Variants in ST6GALNAC3 observed in about 807,000 individuals in gnomAD.
ST6GALNAC3 encodes ST6 N-acetylgalactosaminide alpha-2,6-sialyltransferase 3.
Under a neutral mutation model 32.7 loss-of-function variants are expected in ST6GALNAC3, and 25 were observed. That is an observed-to-expected ratio of 0.76 (90% CI 0.56 to 1.07). The LOEUF (loss-of-function observed/expected upper bound fraction) is 1.07. ST6GALNAC3 is among the 50% of genes least tolerant of loss of function. The probability of loss-of-function intolerance (pLI) is 0.00; values close to 1 mark genes in which losing one functional copy is unlikely to be tolerated. For synonymous variants in ST6GALNAC3, 129 were observed against 133.1 expected (o/e 0.97, Z 0.21); for missense variants, 355 against 382.4 (o/e 0.93, Z 0.60).
rs1042980142 is a variant in ST6GALNAC3 at position 76,631,717 on chromosome 1, C to T, written c.*2911C>T. ...AAAATAAAAATATTTCAATACTATC[C>T]GTGCTTCTTGGAAAATGAACTATAA... On this transcript the variant is annotated 3_prime_UTR_variant, in exon 5 of 5. Transcript: ENST00000328299. 1.3e-5 allele frequency: 2 copies of T among 151,914 alleles called. No homozygotes were observed. Among genetic ancestry groups the T allele is most frequent in the African/African-American group, 2.4e-5 (1 of 41,364 alleles). 9.4% of individuals were successfully genotyped at this position (151,914 alleles called of 1,614,324 possible).
chr1:76,627,657 A>G lies in ST6GALNAC3; in HGVS notation c.731+98A>G, dbSNP rs1005285652. The G allele has an allele frequency of 1.5e-5, 14 of 944,792 alleles. No homozygotes were observed. The African/African-American group carries it at 1.8e-4, about 12-fold the overall frequency. 58.5% of individuals were successfully genotyped at this position (944,792 alleles called of 1,614,324 possible). A position where few individuals can be genotyped will look rare whatever the true frequency, so the allele number is the denominator to read the frequency against. On this transcript the variant is annotated intron_variant, in intron 4 of 4. Coordinates refer to ENST00000328299, the MANE Select transcript of ST6GALNAC3 (RefSeq NM_152996.4). ...ATACCATAAATCTGAGAAACAGATA[A>G]AGCAACAATTATTTCCCAGTGTTCT...
intron 2 of ST6GALNAC3, among the ~76,000 whole-genome samples, chr1:76,404,204 A>G (rs963771762): frequency 6.6e-6 from 1 of 152,088 alleles, no homozygotes; most frequent in Non-Finnish European, 1.5e-5. Context: ...TCAGAGCTAA[A>G]CCATCAGTTA....
At chr1:76,336,756 G>A (rs1647510058) in intron 2 of ST6GALNAC3, among the ~76,000 whole-genome samples, 1 of 152,174 alleles carries the variant, frequency 6.6e-6, no homozygotes, top group Non-Finnish European at 1.5e-5. Flanking sequence ...CTCATTTGAT[G>A]AGAAGTATAT....
intron 3 of ST6GALNAC3, among the ~76,000 whole-genome samples, chr1:76,589,762 G>T (rs1647018810): frequency 6.6e-6 from 1 of 151,474 alleles, no homozygotes; most frequent in Non-Finnish European, 1.5e-5. Context: ...CAAATAGCAA[G>T]ATCCCACTAC....
intron 1 of ST6GALNAC3, among the ~76,000 whole-genome samples, chr1:76,299,800 T>A (rs1660622276): frequency 6.9e-6 from 1 of 145,156 alleles, no homozygotes; most frequent in Non-Finnish European, 1.5e-5. Flanking sequence ...CAACAAATAA[T>A]CTCCAGAGAA....
intron 1 of ST6GALNAC3, among the ~76,000 whole-genome samples, chr1:76,113,448 AC>A (rs1648233575): frequency 6.6e-6 from 1 of 152,106 alleles, no homozygotes; most frequent in Non-Finnish European, 1.5e-5. Flanking sequence ...AGCCATTTTT[AC>A]AAATTTGCAA....
chr1:76,310,657 A>C (rs1646745425), intron 1 of ST6GALNAC3, among the ~76,000 whole-genome samples: 1 of 152,186 alleles, frequency 6.6e-6, no homozygotes, highest in Non-Finnish European at 1.5e-5. Context: ...GTCTGCGAAG[A>C]GCAAAAAGAA....
Position 76,424,942 on chromosome 1 carries a change from G to A in ST6GALNAC3, c.623+12525G>A, listed in dbSNP as rs1023977656. On this transcript the variant is annotated intron_variant, in intron 3 of 4. Coordinates refer to ENST00000328299, the MANE Select transcript of ST6GALNAC3 (RefSeq NM_152996.4). ...GCTAAAGCTAGATGTGAACACCTCCGTGATATTTGCAATGCTTATATTCGT... is the reference window on the plus strand; with the variant it reads ...GCTAAAGCTAGATGTGAACACCTCCATGATATTTGCAATGCTTATATTCGT... Among the ~76,000 whole-genome samples, 8 of 151,864 alleles carry A rather than the reference G, an allele frequency of 5.3e-5. No homozygotes were observed. In the South Asian group the frequency reaches 8.3e-4, roughly 16 times the overall value.
intron 2 of ST6GALNAC3, among the ~76,000 whole-genome samples, chr1:76,333,450 G>A (rs766259190): frequency 1.7e-4 from 26 of 152,146 alleles, no homozygotes; most frequent in Non-Finnish European, 2.6e-4. Flanking sequence ...TATTGGTTTG[G>A]AAGAGATGCT....
chr1:76,121,943 G>A (rs1648906839), intron 1 of ST6GALNAC3, among the ~76,000 whole-genome samples: 1 of 152,134 alleles, frequency 6.6e-6, no homozygotes, highest in South Asian at 2.1e-4. Flanking sequence ...AACATGCCTG[G>A]AATGTTCTTC....
chr1:76,551,543 A>G (rs1441370839), intron 3 of ST6GALNAC3, among the ~76,000 whole-genome samples: 1 of 151,860 alleles, frequency 6.6e-6, no homozygotes, highest in Non-Finnish European at 1.5e-5. Context: ...GTTCTTTTTT[A>G]TTGATACATA....
chr1:76,155,609 A>G (rs1417388387), intron 1 of ST6GALNAC3, among the ~76,000 whole-genome samples: 1 of 149,656 alleles, frequency 6.7e-6, no homozygotes, highest in Non-Finnish European at 1.5e-5. Flanking sequence ...CTGGGACGAC[A>G]GGCGCCCGCC....
chr1:76,275,896 G>T (rs1323663061), intron 1 of ST6GALNAC3, among the ~76,000 whole-genome samples: 1 of 152,156 alleles, frequency 6.6e-6, no homozygotes, highest in African/African-American at 2.4e-5. Flanking sequence ...GTTTGATTCA[G>T]CGGTTCAACA....
At chr1:76,479,014 T>C (rs569109154) in intron 3 of ST6GALNAC3, among the ~76,000 whole-genome samples, 182 of 152,152 alleles carry the variant, frequency 1.2e-3, no homozygotes, top group Non-Finnish European at 1.8e-3. Context: ...CTGCCCACCT[T>C]GGCCTCCCAA....
At chr1:76,339,307 G>T (rs1028151536) in intron 2 of ST6GALNAC3, among the ~76,000 whole-genome samples, 2 of 152,160 alleles carry the variant, frequency 1.3e-5, no homozygotes, top group African/African-American at 4.8e-5. Flanking sequence ...CAGATTCAGA[G>T]ATTTAAAGAT....
intron 3 of ST6GALNAC3, among the ~76,000 whole-genome samples, chr1:76,546,173 T>G (rs1370064988): frequency 6.6e-6 from 1 of 152,156 alleles, no homozygotes; most frequent in Non-Finnish European, 1.5e-5. Flanking sequence ...TACGCTATAG[T>G]GATAGAAGCT....
intron 2 of ST6GALNAC3, among the ~76,000 whole-genome samples, chr1:76,314,945 T>A (rs903150640): frequency 1.3e-5 from 2 of 152,134 alleles, no homozygotes; most frequent in African/African-American, 4.8e-5. Context: ...TTCTTAGCAT[T>A]CTGGGAGGAT....
intron 2 of ST6GALNAC3, among the ~76,000 whole-genome samples, chr1:76,378,986 G>A (rs538043705): frequency 5.3e-5 from 8 of 152,168 alleles, no homozygotes; most frequent in South Asian, 2.1e-4. Context: ...AACCTCTGCC[G>A]CCCGAGCGGC....
intron 2 of ST6GALNAC3, among the ~76,000 whole-genome samples, chr1:76,330,160 T>G (rs1647162848): frequency 6.7e-6 from 1 of 148,854 alleles, no homozygotes; most frequent in Non-Finnish European, 1.5e-5. Flanking sequence ...TTAAGTAATT[T>G]TTTTTTTCTT....
Sources: gnomAD v4.1 joint callset for allele counts (sites outside exome capture counted in the v4.1 genomes callset) on GRCh38, gnomAD v4.1.1 for gene constraint, MANE v1.5 for transcripts, NCBI Gene and HGNC (gene_info 2026-07-23, HGNC 2026-07-21) for gene names.